CDC14A: variants seen among roughly 807,000 people sequenced by gnomAD.
CDC14A encodes cell division cycle 14A.
A neutral mutation model predicts 74.4 loss-of-function variants in CDC14A; 53 were observed. The ratio of observed to expected loss-of-function variants is 0.71; its 90% CI spans 0.57 to 0.89. CDC14A has a LOEUF of 0.89. Among genes scored for constraint, CDC14A ranks in the 40% least tolerant of loss-of-function variants. The probability of loss-of-function intolerance (pLI) is 0.00; values close to 1 mark genes in which losing one functional copy is unlikely to be tolerated. For missense variants in CDC14A, 646 were observed against 713.7 expected (o/e 0.91, Z 1.08); for synonymous variants, 247 against 258.4 (o/e 0.96, Z 0.43).
intron 5 of CDC14A, among the ~76,000 whole-genome samples, chr1:100,437,124 T>G (rs1479250971): frequency 6.6e-6 from 1 of 152,134 alleles, no homozygotes; most frequent in African/African-American, 2.4e-5. Flanking sequence ...AGGTGGAGGC[T>G]GCAGTGAGCC....
At chr1:100,390,397 T>G (rs2100986661) in intron 3 of CDC14A, among the ~76,000 whole-genome samples, 1 of 152,278 alleles carries the variant, frequency 6.6e-6, no homozygotes, top group African/African-American at 2.4e-5. Context: ...GGTAACAAAG[T>G]GTGAAGAGAC....
chr1:100,353,139 C>G, intron 1 of CDC14A, 136 bp downstream of exon 1: 1 of 878,878 alleles, frequency 1.1e-6, no homozygotes, highest in Non-Finnish European at 1.8e-6. Flanking sequence ...CCTCTAGGGA[C>G]TCTCCTTTCT....
chr1:100,484,109 T>G (rs1669793419), intron 10 of CDC14A, among the ~76,000 whole-genome samples, 183 bp from the exon 11 acceptor site: 1 of 152,204 alleles, frequency 6.6e-6, no homozygotes, highest in African/African-American at 2.4e-5. Flanking sequence ...AATCTTATTT[T>G]GGCTTTTTGA....
rs60569646 is a variant in CDC14A at position 100,429,234 on chromosome 1, T to TAAATAAATAAATAAATAAATAAAAAAAA, written c.389+4934_389+4935insAATAAATAAATAAATAAATAAAAAAAAA. 8.9e-5 allele frequency among the ~76,000 whole-genome samples: 13 copies of TAAATAAATAAATAAATAAATAAAAAAAA among 146,500 alleles called. No individual in the cohort carries two copies. In the East Asian group the frequency reaches 9.9e-4, roughly 11 times the overall value. ...ATAAATAAATAAATAAATAAATAAA[T>TAAATAAATAAATAAATAAATAAAAAAAA]ATAAAATAAAATGACATATACAATT... On this transcript the variant is annotated intron_variant, in intron 5 of 15. Transcript: ENST00000336454.
At chr1:100,353,424 C>T (rs969862050) in intron 1 of CDC14A, among the ~76,000 whole-genome samples, 13 of 152,234 alleles carry the variant, frequency 8.5e-5, no homozygotes. Flanking sequence ...AGGCTCACCT[C>T]TTTCTTCCCC....
chr1:100,423,818 C>T (rs938676517), intron 4 of CDC14A: 3 of 182,372 alleles, frequency 1.6e-5, no homozygotes. Flanking sequence ...ATATTGTGCT[C>T]ACTGTGAGAA....
At chr1:100,414,484 A>T (rs1050231842) in intron 4 of CDC14A, among the ~76,000 whole-genome samples, 6 of 152,232 alleles carry the variant, frequency 3.9e-5, no homozygotes, top group African/African-American at 1.4e-4. Flanking sequence ...CATCTTCATT[A>T]CAAAGTTATG....
intron 13 of CDC14A, among the ~76,000 whole-genome samples, chr1:100,496,806 G>A (rs1995141): frequency 0.94 from 142,491 of 152,292 alleles, 67,203 homozygotes; most frequent in Non-Finnish European, 1. Flanking sequence ...GATAATGAAG[G>A]AAAGAGTCTA....
intron 9 of CDC14A, 107 bp from the exon 10 acceptor site, chr1:100,467,846 TATC>T: frequency 1.9e-6 from 2 of 1,058,346 alleles, no homozygotes; most frequent in South Asian, 3.5e-5. Context: ...CTGTTGATAA[TATC>T]ATCACACTTG....
intron 15 of CDC14A, among the ~76,000 whole-genome samples, chr1:100,514,882 C>A (rs1198569568): frequency 6.6e-6 from 1 of 152,044 alleles, no homozygotes; most frequent in Admixed American, 6.5e-5. Flanking sequence ...TAATATTGTT[C>A]ATGGAATTCA....
chr1:100,401,165 A>G (rs1180924737), intron 4 of CDC14A, among the ~76,000 whole-genome samples: 1 of 152,228 alleles, frequency 6.6e-6, no homozygotes, highest in Non-Finnish European at 1.5e-5. Context: ...ACTTCAAACA[A>G]TATATACTGA....
At position 100,442,956 on chromosome 1, in the gene CDC14A, A is replaced by G; in HGVS notation, c.479A>G (p.Asp160Gly). Residue 160 changes from aspartate (D) to glycine (G), a missense_variant, in exon 7 of 16, where the codon GAC becomes GGC. Coordinates refer to ENST00000336454, the MANE Select transcript of CDC14A (RefSeq NM_003672.4). Reference sequence around the variant, plus strand: ...TAGGGATTACAACATGGATTTTTTGACTTTGAGACATTTGATGTGGATGAA... The same window carrying G: ...TAGGGATTACAACATGGATTTTTTGGCTTTGAGACATTTGATGTGGATGAA... ...IRKGLQHGFF[D>G]FETFDVDEYE... 1 of 1,604,132 alleles carries G rather than the reference A, an allele frequency of 6.2e-7. No individual in the cohort carries two copies. Among genetic ancestry groups the G allele is most frequent in the East Asian group, 2.2e-5 (1 of 44,686 alleles).
At chr1:100,463,634 C>G (rs1002890358) in intron 9 of CDC14A, among the ~76,000 whole-genome samples, 11 of 152,110 alleles carry the variant, frequency 7.2e-5, no homozygotes, top group African/African-American at 2.4e-4. Context: ...ATAAATATGT[C>G]CCAAATATTG....
upstream of CDC14A, among the ~76,000 whole-genome samples, chr1:100,352,232 C>G (rs962461314): frequency 6.6e-6 from 1 of 152,216 alleles, no homozygotes; most frequent in Non-Finnish European, 1.5e-5. Flanking sequence ...CTACAGGCCC[C>G]GCCCGCTCCC....
chr1:100,455,963 A>C (rs969923511), intron 8 of CDC14A, among the ~76,000 whole-genome samples: 2 of 152,204 alleles, frequency 1.3e-5, no homozygotes, highest in Non-Finnish European at 2.9e-5. Flanking sequence ...TTTAACACTC[A>C]ACACAACTCT....
rs930090498 is a variant in CDC14A, at chr1:100,484,303, C to T, written c.989C>T (p.Ser330Leu). Residue 330 changes from serine to leucine, a missense_variant, in exon 11 of 16, where the codon TCG becomes TTG. Transcript: ENST00000336454. ...TGTTTTTTATACAGAAAACAAGCAT[C>T]GTTGTGGGTCCAAGGAGACATTTTC... is the stretch of plus-strand genomic sequence containing the variant. ...QQHFLEEKQA[S>L]LWVQGDIFRS... is the part of the protein sequence containing the mutation. 2.6e-6 allele frequency: 4 copies of T among 1,559,254 alleles called. No homozygotes were observed. The East Asian group carries it at 7.0e-5, about 27-fold the overall frequency.
At chr1:100,506,537 A>G (rs578141735) in intron 15 of CDC14A, among the ~76,000 whole-genome samples, 63 of 152,322 alleles carry the variant, frequency 4.1e-4, no homozygotes, top group African/African-American at 1.3e-3. Flanking sequence ...TGTTTGCAGT[A>G]TTTGTAGATA....
At chr1:100,404,928 G>A (rs1659755830) in intron 4 of CDC14A, among the ~76,000 whole-genome samples, 3 of 152,224 alleles carry the variant, frequency 2.0e-5, no homozygotes, top group Admixed American at 2.0e-4. Context: ...TAGGAGGGCT[G>A]CAGTACCTCA....
chr1:100,427,079 G>A (rs1416230326), intron 5 of CDC14A, among the ~76,000 whole-genome samples: 1 of 151,928 alleles, frequency 6.6e-6, no homozygotes, highest in East Asian at 1.9e-4. Context: ...CTAAATTCTG[G>A]GCAGCCATCA....
Sources: allele counts gnomAD v4.1 joint callset (sites outside exome capture counted in the v4.1 genomes callset), GRCh38; gene constraint gnomAD v4.1.1; transcripts MANE v1.5; gene names NCBI Gene and HGNC (gene_info 2026-07-23, HGNC 2026-07-21).